SDHAF3: variants seen among roughly 807,000 people sequenced by gnomAD.
The protein encoded by SDHAF3 is succinate dehydrogenase complex assembly factor 3.
SDHAF3 carries 18 observed loss-of-function variants against 11.5 expected under a neutral mutation model. The observed-to-expected ratio is 1.56, with a 90% CI of 1.08 to 2.32. The LOEUF (loss-of-function observed/expected upper bound fraction) is 2.32. SDHAF3 is among the 30% of genes most tolerant of loss of function. The pLI is 0.00. For synonymous variants in SDHAF3, 72 were observed against 59.3 expected (o/e 1.21, Z -0.99); for missense variants, 200 against 154.4 (o/e 1.30, Z -1.57).
intron 1 of SDHAF3, among the ~76,000 whole-genome samples, chr7:97,173,966 C>G (rs1325632584): frequency 6.6e-6 from 1 of 151,690 alleles, no homozygotes; most frequent in African/African-American, 2.4e-5. Flanking sequence ...TGTCACCAGG[C>G]TGGAGTGCAG....
chr7:97,143,425 A>T (rs1045358785), intron 1 of SDHAF3, among the ~76,000 whole-genome samples: 3 of 151,982 alleles, frequency 2.0e-5, no homozygotes, highest in South Asian at 4.2e-4. Context: ...ACACTGCACC[A>T]TATTTGTAGT....
At chr7:97,132,510 G>C (rs1203040471) in intron 1 of SDHAF3, among the ~76,000 whole-genome samples, 2 of 152,098 alleles carry the variant, frequency 1.3e-5, no homozygotes, top group Admixed American at 6.6e-5. Context: ...ATTATGTCTT[G>C]TTAAGCAATG....
At chr7:97,160,433 C>T (rs759998707) in intron 1 of SDHAF3, among the ~76,000 whole-genome samples, 8 of 151,536 alleles carry the variant, frequency 5.3e-5, no homozygotes, top group Admixed American at 6.6e-5. Flanking sequence ...CGGGCCATGA[C>T]GACGATGGCG....
intron 1 of SDHAF3, among the ~76,000 whole-genome samples, chr7:97,156,076 A>G (rs1194805592): frequency 6.6e-6 from 1 of 152,194 alleles, no homozygotes; most frequent in Admixed American, 6.5e-5. Context: ...CCTAGTCTTT[A>G]TTCACATTAA....
At chr7:97,164,837 A>T (rs1366587221) in intron 1 of SDHAF3, among the ~76,000 whole-genome samples, 2 of 152,140 alleles carry the variant, frequency 1.3e-5, no homozygotes, top group Non-Finnish European at 2.9e-5. Context: ...AATTTCCATA[A>T]TTTGCATCAT....
intron 1 of SDHAF3, among the ~76,000 whole-genome samples, chr7:97,159,687 T>A (rs1044183540): frequency 2.0e-5 from 3 of 152,156 alleles, no homozygotes; most frequent in African/African-American, 7.2e-5. Context: ...TGTGGGCTGA[T>A]GTCTTCAAGG....
chr7:97,147,997 A>G (rs890801703), intron 1 of SDHAF3, among the ~76,000 whole-genome samples: 7 of 151,912 alleles, frequency 4.6e-5, no homozygotes, highest in Non-Finnish European at 7.4e-5. Flanking sequence ...TCTCACTCCC[A>G]GGTTCAAGCA....
intron 1 of SDHAF3, among the ~76,000 whole-genome samples, chr7:97,154,116 G>T (rs964600476): frequency 1.3e-5 from 2 of 151,366 alleles, no homozygotes; most frequent in Non-Finnish European, 2.9e-5. Flanking sequence ...GCAGGGGGTG[G>T]ATCTCATAAA....
In SDHAF3 at chr7:97,125,138, A is replaced by G. The variant is rs141524631; in HGVS notation, c.174+7241A>G. Among the ~76,000 whole-genome samples the G allele has an allele frequency of 1.3e-3, 193 of 151,956 alleles. 4 individuals carry two copies. The East Asian group carries it at 0.034, about 26-fold the overall frequency. On this transcript the variant is annotated intron_variant, in intron 1 of 1. Transcript: ENST00000432641. Reference sequence around the variant, plus strand: ...ATTCTTCTCTCTTTTCTTCTTTATTAGTCTGGCCAGCGGTCTATTTTGTTA... The same window carrying G: ...ATTCTTCTCTCTTTTCTTCTTTATTGGTCTGGCCAGCGGTCTATTTTGTTA...
chr7:97,118,180 CGTT>C (rs1236152074), intron 1 of SDHAF3, among the ~76,000 whole-genome samples: 3 of 152,154 alleles, frequency 2.0e-5, no homozygotes, highest in Admixed American at 6.5e-5. Context: ...AGCAAGTCGT[CGTT>C]AAGTGCTCAA....
intron 1 of SDHAF3, among the ~76,000 whole-genome samples, chr7:97,163,187 T>A (rs927573152): frequency 2.1e-5 from 3 of 141,846 alleles, no homozygotes; most frequent in African/African-American, 7.8e-5. Flanking sequence ...TTTTTTTTTT[T>A]AATTTTTAGT....
chr7:97,140,420 A>G (rs1789012053), intron 1 of SDHAF3, among the ~76,000 whole-genome samples: 1 of 135,844 alleles, frequency 7.4e-6, no homozygotes, highest in Non-Finnish European at 1.5e-5. Flanking sequence ...ATCTTGGCTC[A>G]CTGCAAGCTC....
At chr7:97,120,399 T>C (rs1054472641) in intron 1 of SDHAF3, among the ~76,000 whole-genome samples, 1 of 152,126 alleles carries the variant, frequency 6.6e-6, no homozygotes, top group African/African-American at 2.4e-5. Context: ...AGAGTAGGGC[T>C]AGAGAAGATG....
chr7:97,137,295 T>A (rs1016008104), intron 1 of SDHAF3, among the ~76,000 whole-genome samples: 36 of 152,306 alleles, frequency 2.4e-4, no homozygotes, highest in African/African-American at 7.9e-4. Flanking sequence ...AGGGAACTCT[T>A]GGAAATTTCC....
intron 1 of SDHAF3, among the ~76,000 whole-genome samples, chr7:97,153,871 G>C (rs1231196504): frequency 2.0e-5 from 3 of 152,174 alleles, no homozygotes; most frequent in African/African-American, 7.2e-5. Flanking sequence ...GATGTTGGCT[G>C]TTTTAATTAA....
At chr7:97,135,137 C>G (rs2115647386) in intron 1 of SDHAF3, 1 of 151,976 alleles carries the variant, frequency 6.6e-6, no homozygotes, top group African/African-American at 2.4e-5. Flanking sequence ...GTGGCTACAT[C>G]CTTGTCATAT....
At chr7:97,150,293 G>T (rs1789198899) in intron 1 of SDHAF3, among the ~76,000 whole-genome samples, 1 of 152,196 alleles carries the variant, frequency 6.6e-6, no homozygotes, top group Non-Finnish European at 1.5e-5. Context: ...ATCGCATCTA[G>T]AATGGTGAAT....
intron 1 of SDHAF3, among the ~76,000 whole-genome samples, chr7:97,162,177 A>G (rs1789423830): frequency 6.6e-6 from 1 of 152,146 alleles, no homozygotes; most frequent in Non-Finnish European, 1.5e-5. Context: ...CATTTCCCTA[A>G]TGACCAGTGA....
intron 1 of SDHAF3, among the ~76,000 whole-genome samples, chr7:97,178,969 G>A (rs1349312851): frequency 6.6e-6 from 1 of 152,018 alleles, no homozygotes; most frequent in Non-Finnish European, 1.5e-5. Flanking sequence ...CATGATTTTA[G>A]CTCTTATATT....
Sources: allele counts gnomAD v4.1 joint callset (sites outside exome capture counted in the v4.1 genomes callset), GRCh38; gene constraint gnomAD v4.1.1; transcripts MANE v1.5; gene names NCBI Gene and HGNC (gene_info 2026-07-23, HGNC 2026-07-21).